Variants in ATRNL1 observed in about 807,000 individuals in gnomAD.
The protein encoded by ATRNL1 is attractin like 1.
A neutral mutation model predicts 182.7 loss-of-function variants in ATRNL1; 95 were observed. That is an observed-to-expected ratio of 0.52 (90% CI 0.44 to 0.62). The LOEUF is 0.62. Among genes scored for constraint, ATRNL1 ranks in the 20% least tolerant of loss-of-function variants. The probability of loss-of-function intolerance (pLI) is 0.00; values close to 1 mark genes in which losing one functional copy is unlikely to be tolerated. For missense variants in ATRNL1, 1,471 were observed against 1,679.5 expected, an observed-to-expected ratio of 0.88 and a Z score of 2.17; for synonymous variants, 576 against 568.3, an observed-to-expected ratio of 1.01 and a Z score of -0.19.
chr10:115,778,640 T>C (rs950523527), intron 27 of ATRNL1, among the ~76,000 whole-genome samples: 5 of 152,206 alleles, frequency 3.3e-5, no homozygotes, highest in Admixed American at 2.6e-4. Flanking sequence ...GAAAGGGAAA[T>C]TGGGCCAGAC....
chr10:115,592,191 G>A lies in ATRNL1; in HGVS notation c.3795+42655G>A, dbSNP rs1555012457. On this transcript the variant is annotated intron_variant, in intron 26 of 28. Coordinates refer to ENST00000355044, the MANE Select transcript of ATRNL1 (RefSeq NM_207303.4). ...CTAGGGGTGGAGTGAGGGATGGAGAGGCAGGATTTGAAAAACTATTGGGTA... is the reference window on the plus strand; with the variant it reads ...CTAGGGGTGGAGTGAGGGATGGAGAAGCAGGATTTGAAAAACTATTGGGTA... Among the ~76,000 whole-genome samples, 6 of 152,080 alleles carry A rather than the reference G, an allele frequency of 3.9e-5. 1 individual carries two copies. The South Asian group carries it at 8.3e-4, about 21-fold the overall frequency.
At chr10:115,769,000 T>C (rs1157404896) in intron 27 of ATRNL1, among the ~76,000 whole-genome samples, 1 of 152,092 alleles carries the variant, frequency 6.6e-6, no homozygotes, top group African/African-American at 2.4e-5. Context: ...TATAGACATA[T>C]GAATGAGAAA....
chr10:115,742,834 T>C (rs1434626751), intron 27 of ATRNL1, among the ~76,000 whole-genome samples: 1 of 152,142 alleles, frequency 6.6e-6, no homozygotes, highest in Non-Finnish European at 1.5e-5. Flanking sequence ...AATTCCCCAA[T>C]GGCTTCTCTA....
At chr10:115,775,527 G>A (rs1472412564) in intron 27 of ATRNL1, among the ~76,000 whole-genome samples, 9 of 151,996 alleles carry the variant, frequency 5.9e-5, no homozygotes, top group Admixed American at 4.6e-4. Flanking sequence ...CAAAGCTCTC[G>A]AGCAAAAGTT....
chr10:115,594,464 G>A (rs1172227361), intron 26 of ATRNL1, among the ~76,000 whole-genome samples: 4 of 152,064 alleles, frequency 2.6e-5, no homozygotes, highest in African/African-American at 9.7e-5. Flanking sequence ...ATCCTAATGA[G>A]GAACTGTAGG....
At chr10:115,547,263 AAT>A (rs386362067) in intron 25 of ATRNL1, among the ~76,000 whole-genome samples, 20 of 136,814 alleles carry the variant, frequency 1.5e-4, no homozygotes, top group African/African-American at 3.5e-4. Context: ...TCAAAAAAAA[AAT>A]ATATATATAT....
chr10:115,772,590 ACTCTGT>A (rs1302968509), intron 27 of ATRNL1, among the ~76,000 whole-genome samples: 3 of 60,650 alleles, frequency 4.9e-5, no homozygotes, highest in Non-Finnish European at 1.1e-4. Context: ...CAAAATATAT[ACTCTGT>A]CTGTGTGTGT....
chr10:115,649,900 A>G (rs1330126363), intron 26 of ATRNL1, among the ~76,000 whole-genome samples: 2 of 152,134 alleles, frequency 1.3e-5, no homozygotes, highest in East Asian at 3.9e-4. Context: ...AGATAGTCCA[A>G]TAAAAGAAGC....
chr10:115,829,697 A>G (rs1555093020), intron 27 of ATRNL1, among the ~76,000 whole-genome samples: 2 of 152,050 alleles, frequency 1.3e-5, no homozygotes, highest in Admixed American at 1.3e-4. Context: ...AGTAGTTGCA[A>G]AATCAAGGGA....
At chr10:115,261,252 T>C (rs1554908752) in intron 10 of ATRNL1, among the ~76,000 whole-genome samples, 1 of 152,078 alleles carries the variant, frequency 6.6e-6, no homozygotes. Context: ...ATACTAAAAG[T>C]GTTAGAGTGA....
At chr10:115,253,783 C>T (rs12266550) in intron 10 of ATRNL1, among the ~76,000 whole-genome samples, 10,687 of 152,036 alleles carry the variant, frequency 0.07, 1,226 homozygotes, top group African/African-American at 0.24. Flanking sequence ...TGCTATCCAT[C>T]CCCAGGCCCC....
At chr10:115,829,668 C>T (rs2134307262) in intron 27 of ATRNL1, among the ~76,000 whole-genome samples, 1 of 152,162 alleles carries the variant, frequency 6.6e-6, no homozygotes, top group Non-Finnish European at 1.5e-5. Context: ...TGTCTTATGC[C>T]ACCAAGGAAT....
chr10:115,371,867 G>T (rs1416796628), intron 19 of ATRNL1, among the ~76,000 whole-genome samples: 2 of 152,104 alleles, frequency 1.3e-5, no homozygotes, highest in Admixed American at 6.5e-5. Flanking sequence ...ATCTTGAATT[G>T]TAGCCCCCGT....
At chr10:115,896,387 A>AT (rs79211100) in intron 28 of ATRNL1, among the ~76,000 whole-genome samples, 1 of 152,074 alleles carries the variant, frequency 6.6e-6, no homozygotes, top group Non-Finnish European at 1.5e-5. Flanking sequence ...AAAAAACTGA[A>AT]TTTTTTCCGA....
chr10:115,367,802 G>A (rs1382583310), intron 19 of ATRNL1, among the ~76,000 whole-genome samples: 2 of 142,756 alleles, frequency 1.4e-5, no homozygotes, highest in African/African-American at 2.6e-5. Context: ...GTGTGCCCCT[G>A]CTGGGGGGTG....
intron 26 of ATRNL1, among the ~76,000 whole-genome samples, chr10:115,637,151 C>G (rs1172221095): frequency 6.6e-6 from 1 of 152,158 alleles, no homozygotes; most frequent in Non-Finnish European, 1.5e-5. Flanking sequence ...AAAAGCAAAT[C>G]TATGATGAAA....
At chr10:115,453,826 T>C in intron 21 of ATRNL1, among the ~76,000 whole-genome samples, 6 of 150,830 alleles carry the variant, frequency 4.0e-5, no homozygotes, top group Admixed American at 6.6e-5. Context: ...AGGGATAGCA[T>C]TAGGAGATAT....
chr10:115,150,760 CAT>C (rs570939672), intron 5 of ATRNL1, among the ~76,000 whole-genome samples: 137 of 152,200 alleles, frequency 9.0e-4, no homozygotes, highest in African/African-American at 2.7e-3. Flanking sequence ...TTCTAGGACA[CAT>C]GTGTACAACT....
chr10:115,309,303 C>A (rs1035539448), intron 17 of ATRNL1, among the ~76,000 whole-genome samples: 13 of 151,884 alleles, frequency 8.6e-5, no homozygotes, highest in Admixed American at 8.5e-4. Flanking sequence ...TTTTCTAATT[C>A]TGTGAGAAGT....
Sources: gnomAD v4.1 joint callset for allele counts (sites outside exome capture counted in the v4.1 genomes callset) on GRCh38, gnomAD v4.1.1 for gene constraint, MANE v1.5 for transcripts, NCBI Gene and HGNC (gene_info 2026-07-23, HGNC 2026-07-21) for gene names.